Variants in CTNNA3 observed in about 807,000 individuals in gnomAD.
The protein encoded by CTNNA3 is catenin alpha 3.
A neutral mutation model predicts 95.7 loss-of-function variants in CTNNA3; 76 were observed. The ratio of observed to expected loss-of-function variants is 0.79; its 90% CI spans 0.66 to 0.96. The LOEUF (loss-of-function observed/expected upper bound fraction) is 0.96, where lower values mean the gene tolerates loss of function less well. CTNNA3 is among the 40% of genes least tolerant of loss of function. The pLI, the probability that CTNNA3 is intolerant of heterozygous loss-of-function variation, is 0.00. For synonymous variants in CTNNA3, 431 were observed against 374.4 expected, an observed-to-expected ratio of 1.15 and a Z score of -1.74; for missense variants, 1,191 against 1,089.8, an observed-to-expected ratio of 1.09 and a Z score of -1.31.
intron 10 of CTNNA3, among the ~76,000 whole-genome samples, chr10:66,595,570 C>T (rs1843687472): frequency 2.6e-5 from 4 of 152,096 alleles, no homozygotes. Context: ...CTCCTGACCT[C>T]AGGTGATCTG....
intron 13 of CTNNA3, among the ~76,000 whole-genome samples, chr10:66,146,159 CT>C (rs1249734534): frequency 6.6e-6 from 1 of 152,028 alleles, no homozygotes. Flanking sequence ...GCCGAAGTGG[CT>C]TTTTTATATC....
intron 9 of CTNNA3, among the ~76,000 whole-genome samples, chr10:66,673,164 T>C (rs1846724906): frequency 1.3e-5 from 2 of 152,094 alleles, no homozygotes. Context: ...CCACAGCTGA[T>C]AACAAATAGC....
At chr10:67,388,841 T>C (rs1421546289) in intron 5 of CTNNA3, among the ~76,000 whole-genome samples, 2 of 152,052 alleles carry the variant, frequency 1.3e-5, no homozygotes, top group South Asian at 2.1e-4. Flanking sequence ...AATAAAATAC[T>C]TTATAGACAA....
intron 6 of CTNNA3, among the ~76,000 whole-genome samples, chr10:67,189,175 G>A (rs1863006108): frequency 1.3e-5 from 2 of 151,422 alleles, no homozygotes; most frequent in Non-Finnish European, 2.9e-5. Flanking sequence ...GTCATTTGCA[G>A]CAAGATGGAT....
At chr10:66,335,134 A>T (rs1330116596) in intron 12 of CTNNA3, among the ~76,000 whole-genome samples, 4 of 151,612 alleles carry the variant, frequency 2.6e-5, no homozygotes, top group Non-Finnish European at 5.9e-5. Flanking sequence ...CATTTGTCAA[A>T]TTTTTTTTCA....
intron 10 of CTNNA3, among the ~76,000 whole-genome samples, chr10:66,530,140 A>C (rs887630850): frequency 2.0e-5 from 3 of 152,216 alleles, no homozygotes; most frequent in African/African-American, 7.2e-5. Context: ...AATAATCTTA[A>C]AAATTTTACT....
At chr10:66,801,023 C>T (rs933181015) in intron 7 of CTNNA3, among the ~76,000 whole-genome samples, 2 of 151,130 alleles carry the variant, frequency 1.3e-5, no homozygotes, top group African/African-American at 4.8e-5. Context: ...TTAATTCTAT[C>T]CAAAATTTAA....
intron 15 of CTNNA3, among the ~76,000 whole-genome samples, chr10:66,065,637 T>C (rs1031741792): frequency 6.6e-6 from 1 of 151,996 alleles, no homozygotes; most frequent in Non-Finnish European, 1.5e-5. Flanking sequence ...CTTTGTATGT[T>C]ACTTTTCTTA....
In CTNNA3 at chr10:66,320,115, G is replaced by T. The variant is rs144582481; in HGVS notation, c.1733-39494C>A. Among the ~76,000 whole-genome samples the T allele has an allele frequency of 1.1e-4, 16 of 152,068 alleles. No homozygotes were observed. The East Asian group carries it at 3.1e-3, about 29-fold the overall frequency. On this transcript the variant is annotated intron_variant, in intron 12 of 17. Coordinates refer to ENST00000433211, the MANE Select transcript of CTNNA3 (RefSeq NM_013266.4). ...CATTGCATATAAAATGCCTAGTCTC[G>T]CACCTGATATATAAGTCTTATCGAC...
intron 11 of CTNNA3, among the ~76,000 whole-genome samples, chr10:66,449,541 A>G (rs1432989558): frequency 6.6e-6 from 1 of 152,162 alleles, no homozygotes; most frequent in Non-Finnish European, 1.5e-5. Flanking sequence ...AGCTTCATAA[A>G]TAATGTTAGT....
intron 3 of CTNNA3, among the ~76,000 whole-genome samples, chr10:67,565,943 A>C (rs28808953): frequency 0.12 from 15,024 of 128,938 alleles, 2,468 homozygotes; most frequent in African/African-American, 0.36. Context: ...ATGCAATCAA[A>C]CTCAGTGTCC....
chr10:67,325,371 G>C (rs1181905695), intron 5 of CTNNA3, among the ~76,000 whole-genome samples: 2 of 152,126 alleles, frequency 1.3e-5, no homozygotes, highest in Non-Finnish European at 2.9e-5. Flanking sequence ...TGGGCATTTA[G>C]TGCTATAAAT....
At chr10:67,240,831 G>A (rs1280869596) in intron 5 of CTNNA3, among the ~76,000 whole-genome samples, 3 of 152,096 alleles carry the variant, frequency 2.0e-5, no homozygotes, top group Non-Finnish European at 4.4e-5. Context: ...AGAAAATGTA[G>A]GGGGGTGTGT....
intron 5 of CTNNA3, among the ~76,000 whole-genome samples, chr10:67,293,224 A>G (rs2132474353): frequency 6.6e-6 from 1 of 152,312 alleles, no homozygotes; most frequent in South Asian, 2.1e-4. Context: ...TGAGGAAAAC[A>G]TCTCCAAAGG....
chr10:66,624,163 GACAA>G (rs1368631792), intron 9 of CTNNA3, among the ~76,000 whole-genome samples: 1 of 152,256 alleles, frequency 6.6e-6, no homozygotes, highest in East Asian at 1.9e-4. Flanking sequence ...AGTTTTTGGA[GACAA>G]ACAGATTTGG....
intron 5 of CTNNA3, among the ~76,000 whole-genome samples, chr10:67,462,050 G>T (rs1847398119): frequency 6.6e-6 from 1 of 152,204 alleles, no homozygotes; most frequent in African/African-American, 2.4e-5. Context: ...ATGAAAGGAA[G>T]TTGTTGTAAT....
intron 17 of CTNNA3, among the ~76,000 whole-genome samples, chr10:65,928,965 T>G (rs2077208052): frequency 6.6e-6 from 1 of 152,172 alleles, no homozygotes; most frequent in Non-Finnish European, 1.5e-5. Flanking sequence ...TATGTTGGTG[T>G]GCTGAACCCA....
At chr10:66,931,713 G>T (rs1158141680) in intron 7 of CTNNA3, among the ~76,000 whole-genome samples, 1 of 151,952 alleles carries the variant, frequency 6.6e-6, no homozygotes, top group Non-Finnish European at 1.5e-5. Flanking sequence ...TGTAATTTTT[G>T]AATGTTATAC....
At position 66,543,804 on chromosome 10, in the gene CTNNA3, T is replaced by A. The variant is rs949785889; in HGVS notation, c.1375-23031A>T. On this transcript the variant is annotated intron_variant, in intron 10 of 17. Coordinates refer to ENST00000433211, the MANE Select transcript of CTNNA3 (RefSeq NM_013266.4). Reference sequence around the variant, plus strand: ...CAATTCACCATTGTGAGTTAATTTTTTAAAGTTTCTTCTCCCACTGTATAT... The same window carrying A: ...CAATTCACCATTGTGAGTTAATTTTATAAAGTTTCTTCTCCCACTGTATAT... Among the ~76,000 whole-genome samples, 12 of 151,082 alleles carry A rather than the reference T, an allele frequency of 7.9e-5. No individual in the cohort carries two copies. The East Asian group carries it at 1.8e-3, about 22-fold the overall frequency.
Sources: gnomAD v4.1 joint callset for allele counts (sites outside exome capture counted in the v4.1 genomes callset) on GRCh38, gnomAD v4.1.1 for gene constraint, MANE v1.5 for transcripts, NCBI Gene and HGNC (gene_info 2026-07-23, HGNC 2026-07-21) for gene names.